The following BPIFB3 variants were observed in gnomAD, a reference collection of about 807,000 sequenced individuals.
The protein encoded by BPIFB3 is BPI fold containing family B member 3.
Under a neutral mutation model 53.1 loss-of-function variants are expected in BPIFB3, and 49 were observed. The observed-to-expected ratio is 0.92, with a 90% CI of 0.73 to 1.17. The LOEUF (loss-of-function observed/expected upper bound fraction) is 1.17, where lower values mean the gene tolerates loss of function less well. Among genes scored for constraint, BPIFB3 ranks in the 50% most tolerant of loss-of-function variants. The pLI, the probability that BPIFB3 is intolerant of heterozygous loss-of-function variation, is 0.00. For synonymous variants in BPIFB3, 271 were observed against 269.6 expected (o/e 1.01, Z -0.05); for missense variants, 628 against 592.5 (o/e 1.06, Z -0.62).
At position 33,061,947 on chromosome 20, in the gene BPIFB3, C is replaced by T. The variant is rs900639304; in HGVS notation, c.591+116C>T. The T allele has an allele frequency of 1.7e-5, 21 of 1,225,852 alleles. No individual in the cohort carries two copies. The African/African-American group carries it at 2.8e-4, about 17-fold the overall frequency. The allele number at this position is 1,225,852 out of a possible 1,614,324, so 75.9% of individuals were successfully genotyped here. A position where few individuals can be genotyped will look rare whatever the true frequency, so the allele number is the denominator to read the frequency against. ...GATTAGGCTGTACTTCCCTTCCACA[C>T]CCACCTGGTAATCCCATCCGGGCCT... is the stretch of plus-strand genomic sequence containing the variant. On this transcript the variant is annotated intron_variant, in intron 5 of 14. Coordinates refer to ENST00000375494, the Ensembl canonical transcript of BPIFB3.
chr20:33,060,031 G>C (rs769067362), exon 4 of BPIFB3: 1 of 1,613,588 alleles, frequency 6.2e-7, no homozygotes, highest in South Asian at 1.1e-5. Flanking sequence ...CTGTTCTCAG[G>C]GTGAGTCTGC....
Position 33,064,482 on chromosome 20 carries a change from G to GC in BPIFB3, c.678_679insC (p.Ser227LeufsTer31). ...GCCTGGTGTCCCTTGGGGCTCTTGGGTCCGTGGAATTCTCTCTGGCCACAT... is the reference window on the plus strand; with the variant it reads ...GCCTGGTGTCCCTTGGGGCTCTTGGGCTCCGTGGAATTCTCTCTGGCCACAT... On this transcript the variant is annotated frameshift_variant, in exon 7 of 15. Transcript: ENST00000375494. LOFTEE classifies it high-confidence loss of function. 1 of 1,614,078 alleles carries GC rather than the reference G, an allele frequency of 6.2e-7. No homozygotes were observed. The highest frequency in any genetic ancestry group is 8.5e-7 in the Non-Finnish European group (1 of 1,179,996).
intron 2 of BPIFB3, among the ~76,000 whole-genome samples, chr20:33,058,234 G>A (rs1459356314): frequency 2.0e-5 from 3 of 152,186 alleles, no homozygotes; most frequent in Admixed American, 1.3e-4. Flanking sequence ...TACTGGGAGC[G>A]GAAAGAAGGG....
exon 11 of BPIFB3, chr20:33,069,945 T>C: frequency 1.2e-6 from 2 of 1,614,192 alleles, no homozygotes; most frequent in Non-Finnish European, 1.7e-6. Context: ...CATCTCCCTG[T>C]CCCTGGAACG....
intron 4 of BPIFB3, 146 bp from the exon 6 acceptor site, chr20:33,061,622 A>T: frequency 2.8e-6 from 2 of 717,990 alleles, no homozygotes; most frequent in Non-Finnish European, 4.6e-6. Flanking sequence ...GCCAGGATTT[A>T]ACTCAGGTCT....
chr20:33,068,674 G>A, intron 9 of BPIFB3, 129 bp from the exon 11 acceptor site: 1 of 957,244 alleles, frequency 1.0e-6, no homozygotes, highest in Non-Finnish European at 1.5e-6. Context: ...CCAGGCCTGT[G>A]TCTTTCAGGC....
intron 10 of BPIFB3, among the ~76,000 whole-genome samples, 160 bp downstream of exon 11, chr20:33,069,133 G>T (rs1027617477): frequency 6.6e-6 from 1 of 152,046 alleles, no homozygotes; most frequent in African/African-American, 2.4e-5. Context: ...TCATCATCTG[G>T]GCTGAGACCC....
chr20:33,057,078 G>A (rs577346005), intron 2 of BPIFB3, among the ~76,000 whole-genome samples: 1 of 152,278 alleles, frequency 6.6e-6, no homozygotes, highest in Admixed American at 6.5e-5. Flanking sequence ...TTTATTTTAT[G>A]TCTCCTTTGC....
exon 14 of BPIFB3, chr20:33,072,755 A>G (rs770761464): frequency 1.9e-6 from 3 of 1,613,826 alleles, no homozygotes; most frequent in East Asian, 2.2e-5. Flanking sequence ...TAAGGTTCTT[A>G]ATATCAATTT....
In BPIFB3 at chr20:33,064,509, GC is replaced by G. The variant is rs1568994749; in HGVS notation, c.707del (p.Pro236LeufsTer8). Reference sequence around the variant, plus strand: ...CCGTGGAATTCTCTCTGGCCACATTGCCTCTCATCTCCAACCAGTACATAGA... The same window carrying G: ...CCGTGGAATTCTCTCTGGCCACATTGCTCTCATCTCCAACCAGTACATAGA... On this transcript the variant is annotated frameshift_variant, in exon 7 of 15. Transcript: ENST00000375494. LOFTEE classifies it high-confidence loss of function. 6.2e-7 allele frequency: 1 copy of G among 1,614,056 alleles called. No individual in the cohort carries two copies. Among genetic ancestry groups the G allele is most frequent in the East Asian group, 2.2e-5 (1 of 44,870 alleles).
Position 33,061,758 on chromosome 20 carries a change from C to T in BPIFB3, c.528-10C>T. On this transcript the variant is annotated splice_polypyrimidine_tract_variant and intron_variant, in intron 4 of 14. Coordinates refer to ENST00000375494, the Ensembl canonical transcript of BPIFB3. ...GGCAGCCGCACCCACATGTGTCTCC[C>T]TCTGCTCAGGCTGCTGCCCACACCA... 5 of 1,614,070 alleles carry T rather than the reference C, an allele frequency of 3.1e-6. No individual in the cohort carries two copies. The highest frequency in any genetic ancestry group is 4.2e-6 in the Non-Finnish European group (5 of 1,179,926).
exon 10 of BPIFB3, chr20:33,068,940 G>T (rs1365430514): frequency 6.2e-7 from 1 of 1,613,956 alleles, no homozygotes; most frequent in East Asian, 2.2e-5. Flanking sequence ...ATGTCCCTAA[G>T]GGGACCCCTG....
exon 2 of BPIFB3, chr20:33,056,671 T>C: frequency 6.2e-7 from 1 of 1,602,742 alleles, no homozygotes; most frequent in Non-Finnish European, 8.5e-7. Flanking sequence ...CACGGAGGGG[T>C]TTTTGGCGTT....
chr20:33,056,824 G>A lies in BPIFB3; in HGVS notation c.281+126G>A, dbSNP rs532546836. Reference sequence around the variant, plus strand: ...GTTGTGTGGGAGGGTTGTGATCCGGGTCTAAAAATGATGACTCTACTGCAT... The same window carrying A: ...GTTGTGTGGGAGGGTTGTGATCCGGATCTAAAAATGATGACTCTACTGCAT... On this transcript the variant is annotated intron_variant, in intron 2 of 14. Coordinates refer to ENST00000375494, the Ensembl canonical transcript of BPIFB3. 4.1e-6 allele frequency: 5 copies of A among 1,207,030 alleles called. No homozygotes were observed. In the African/African-American group the frequency reaches 6.2e-5, roughly 15 times the overall value. The allele number at this position is 1,207,030 out of a possible 1,614,324, so 74.8% of individuals were successfully genotyped here. A position where few individuals can be genotyped will look rare whatever the true frequency, so the allele number is the denominator to read the frequency against.
Position 33,072,796 on chromosome 20 carries a change from G to A in BPIFB3, c.1401+3G>A. On this transcript the variant is annotated splice_donor_region_variant and intron_variant, in intron 14 of 14. Transcript: ENST00000375494. ...ATTCAGTTCTGGAGATCGTAGAGGTGAGCCTTCTCTGCAGATACGGCCCAG... is the reference window on the plus strand; with the variant it reads ...ATTCAGTTCTGGAGATCGTAGAGGTAAGCCTTCTCTGCAGATACGGCCCAG... 6.2e-7 allele frequency: 1 copy of A among 1,611,132 alleles called. No homozygotes were observed. The highest frequency in any genetic ancestry group is 8.5e-7 in the Non-Finnish European group (1 of 1,177,210).
At chr20:33,064,583 G>T in intron 7 of BPIFB3, 35 bp downstream of exon 8, 1 of 1,612,894 alleles carries the variant, frequency 6.2e-7, no homozygotes, top group South Asian at 1.1e-5. Flanking sequence ...TCCTGCTGGG[G>T]GTGGCTAGAT....
chr20:33,070,181 G>A (rs1463608166), intron 11 of BPIFB3, among the ~76,000 whole-genome samples: 3 of 152,204 alleles, frequency 2.0e-5, no homozygotes, highest in African/African-American at 4.8e-5. Flanking sequence ...CTTCTTCCAC[G>A]GCACCCTTTT....
chr20:33,064,137 A>T (rs1980566092), intron 6 of BPIFB3, among the ~76,000 whole-genome samples: 2 of 152,212 alleles, frequency 1.3e-5, no homozygotes, highest in Admixed American at 1.3e-4. Flanking sequence ...ACAACCAGGA[A>T]AAGAATAGAA....
At position 33,064,860 on chromosome 20, in the gene BPIFB3, C is replaced by A; in HGVS notation, c.924+15C>A. On this transcript the variant is annotated intron_variant, in intron 8 of 14. Transcript: ENST00000375494. ...CCCCTGAGCTGGTGAGTGTGGTGCC[C>A]GGGGGATGGGGATGGGGGCTCCTTG... is the stretch of plus-strand genomic sequence containing the variant. 1.2e-6 allele frequency: 2 copies of A among 1,607,540 alleles called. No individual in the cohort carries two copies. Among genetic ancestry groups the A allele is most frequent in the Non-Finnish European group, 1.7e-6 (2 of 1,178,368 alleles).
Sources: allele counts gnomAD v4.1 joint callset (sites outside exome capture counted in the v4.1 genomes callset), GRCh38; gene constraint gnomAD v4.1.1; transcripts MANE v1.5; gene names NCBI Gene and HGNC (gene_info 2026-07-23, HGNC 2026-07-21).